Variants in PCSK2 observed in about 807,000 individuals in gnomAD.
PCSK2 encodes the protein proprotein convertase subtilisin/kexin type 2, also known as neuroendocrine convertase 2.
PCSK2 carries 14 observed loss-of-function variants against 69.7 expected under a neutral mutation model. That is an observed-to-expected ratio of 0.20 (90% CI 0.13 to 0.31). The LOEUF (loss-of-function observed/expected upper bound fraction) is 0.31, where lower values mean the gene tolerates loss of function less well. PCSK2 is among the 10% of genes least tolerant of loss of function. The pLI, the probability that PCSK2 is intolerant of heterozygous loss-of-function variation, is 1.00. For missense variants in PCSK2, 544 were observed against 842.5 expected, an observed-to-expected ratio of 0.65 and a Z score of 4.39; for synonymous variants, 307 against 320.7, an observed-to-expected ratio of 0.96 and a Z score of 0.46.
At chr20:17,280,478 C>T (rs188849158) in intron 2 of PCSK2, among the ~76,000 whole-genome samples, 41 of 152,322 alleles carry the variant, frequency 2.7e-4, no homozygotes, top group African/African-American at 9.4e-4. Context: ...GGAAGTTAGA[C>T]ACAGGCCCTT....
intron 5 of PCSK2, among the ~76,000 whole-genome samples, chr20:17,370,201 A>C (rs2030717011): frequency 1.3e-5 from 2 of 152,228 alleles, no homozygotes; most frequent in Admixed American, 1.3e-4. Flanking sequence ...TCTAGGTGTA[A>C]AAAATGTTGT....
At chr20:17,419,930 T>G (rs919716583) in intron 6 of PCSK2, among the ~76,000 whole-genome samples, 6 of 152,162 alleles carry the variant, frequency 3.9e-5, no homozygotes, top group Non-Finnish European at 8.8e-5. Flanking sequence ...AGTGAGAGAT[T>G]CTAGGTTAGA....
At chr20:17,459,083 A>G (rs943595119) in intron 10 of PCSK2, among the ~76,000 whole-genome samples, 8 of 152,010 alleles carry the variant, frequency 5.3e-5, no homozygotes, top group African/African-American at 1.9e-4. Flanking sequence ...TCCAAAACTG[A>G]CCTTCCAGGG....
chr20:17,312,248 A>C (rs1989540978), intron 2 of PCSK2, among the ~76,000 whole-genome samples: 1 of 152,150 alleles, frequency 6.6e-6, no homozygotes, highest in Non-Finnish European at 1.5e-5. Context: ...GTGTGGGAGC[A>C]ATCAGTGGGT....
At position 17,481,452 on chromosome 20, in the gene PCSK2, G is replaced by A. The variant is rs922270846; in HGVS notation, c.1431-132G>A. On this transcript the variant is annotated intron_variant, in intron 11 of 11. Transcript: ENST00000262545. ...TTACTCAGGCTCACACAGCCAGTGT[G>A]GGAACTAAACCCAGGTCTGATTGAT... 4 of 681,114 alleles carry A rather than the reference G, an allele frequency of 5.9e-6. No homozygotes were observed. In the African/African-American group the frequency reaches 7.4e-5, roughly 13 times the overall value. 42.2% of individuals were successfully genotyped at this position (681,114 alleles called of 1,614,324 possible).
chr20:17,285,727 C>T lies in PCSK2; in HGVS notation c.282+25383C>T, dbSNP rs1313031634. ...GTACAAACCCTGGATGGGTTCTGGC[C>T]TTGGCAATCATGAGCCACCATTACT... is the stretch of plus-strand genomic sequence containing the variant. On this transcript the variant is annotated intron_variant, in intron 2 of 11. Coordinates refer to ENST00000262545, the MANE Select transcript of PCSK2 (RefSeq NM_002594.5). Among the ~76,000 whole-genome samples, 6 of 152,276 alleles carry T rather than the reference C, an allele frequency of 3.9e-5. No homozygotes were observed. The South Asian group carries it at 1.0e-3, about 26-fold the overall frequency.
intron 2 of PCSK2, among the ~76,000 whole-genome samples, chr20:17,306,858 T>A (rs2123103860): frequency 6.6e-6 from 1 of 152,296 alleles, no homozygotes; most frequent in African/African-American, 2.4e-5. Context: ...CCATTAAGTC[T>A]TAGGGGAAAG....
chr20:17,277,525 C>G lies in PCSK2; in HGVS notation c.282+17181C>G, dbSNP rs1018648426. ...AAAACTGGCTAGCCATATGTAGAAA[C>G]CTGAAACTGGATCCCCTCCTTACAC... is the stretch of plus-strand genomic sequence containing the variant. On this transcript the variant is annotated intron_variant, in intron 2 of 11. Coordinates refer to ENST00000262545, the MANE Select transcript of PCSK2 (RefSeq NM_002594.5). Among the ~76,000 whole-genome samples the G allele has an allele frequency of 7.3e-3, 1,116 of 152,122 alleles. 13 individuals are homozygous for G. Among genetic ancestry groups the G allele is most frequent in the African/African-American group, 0.025 (1,018 of 41,482 alleles).
In PCSK2 at chr20:17,312,547, G is replaced by A. The variant is rs752857003; in HGVS notation, c.283-45780G>A. ...AACCCGACAACAAACTGAAACCCTG[G>A]ATATTATCAGGATAACAAAAAAATC... On this transcript the variant is annotated intron_variant, in intron 2 of 11. Coordinates refer to ENST00000262545, the MANE Select transcript of PCSK2 (RefSeq NM_002594.5). Among the ~76,000 whole-genome samples, 154 of 151,998 alleles carry A rather than the reference G, an allele frequency of 1.0e-3. 2 individuals carry two copies. Among genetic ancestry groups the A allele is most frequent in the South Asian group, 2.3e-3 (11 of 4,804 alleles).
chr20:17,409,162 A>T, intron 5 of PCSK2, 101 bp from the exon 6 acceptor site: 1 of 864,702 alleles, frequency 1.2e-6, no homozygotes, highest in Non-Finnish European at 2.0e-6. Flanking sequence ...ACACTAATCC[A>T]GCACTCCAGG....
intron 2 of PCSK2, among the ~76,000 whole-genome samples, chr20:17,333,000 C>T (rs536531476): frequency 1.3e-5 from 2 of 152,244 alleles, no homozygotes; most frequent in African/African-American, 4.8e-5. Context: ...TAAAGAACAT[C>T]ATTGGGACAA....
chr20:17,434,122 T>C (rs2032434573), intron 7 of PCSK2, among the ~76,000 whole-genome samples: 1 of 145,762 alleles, frequency 6.9e-6, no homozygotes, highest in African/African-American at 2.6e-5. Context: ...CTCCTCTCCC[T>C]TTCTCTCTAC....
At chr20:17,371,227 TC>T (rs2030751752) in intron 5 of PCSK2, among the ~76,000 whole-genome samples, 2 of 152,080 alleles carry the variant, frequency 1.3e-5, no homozygotes, top group Non-Finnish European at 2.9e-5. Context: ...TCTGCATCCT[TC>T]CCTTCTCCCT....
intron 1 of PCSK2, among the ~76,000 whole-genome samples, chr20:17,233,548 T>C (rs1246506491): frequency 6.6e-6 from 1 of 152,130 alleles, no homozygotes; most frequent in African/African-American, 2.4e-5. Context: ...ACCATGGTAA[T>C]TATCTCAGCC....
intron 2 of PCSK2, among the ~76,000 whole-genome samples, chr20:17,281,042 T>G (rs1988290230): frequency 6.6e-6 from 1 of 152,252 alleles, no homozygotes; most frequent in African/African-American, 2.4e-5. Flanking sequence ...TCCTGGAGAC[T>G]TCTTTCTTCT....
chr20:17,289,003 G>A (rs1486685693), intron 2 of PCSK2, among the ~76,000 whole-genome samples: 1 of 152,124 alleles, frequency 6.6e-6, no homozygotes, highest in African/African-American at 2.4e-5. Flanking sequence ...GATTATAGAA[G>A]GAAATAAGGA....
rs147284775 is a variant in PCSK2 at position 17,394,155 on chromosome 20, T to C, written c.544-15108T>C. On this transcript the variant is annotated intron_variant, in intron 5 of 11. Coordinates refer to ENST00000262545, the MANE Select transcript of PCSK2 (RefSeq NM_002594.5). ...TCTGTTTTCTGTACCTATAGTTTTC[T>C]CTATGATAATAACAAAATAATAATA... 4.6e-5 allele frequency among the ~76,000 whole-genome samples: 7 copies of C among 152,304 alleles called. No individual in the cohort carries two copies. The East Asian group carries it at 5.8e-4, about 13-fold the overall frequency.
At chr20:17,481,537 G>C (rs563853859) in intron 11 of PCSK2, 47 bp from the exon 12 acceptor site, 3 of 1,577,156 alleles carry the variant, frequency 1.9e-6, no homozygotes, top group South Asian at 2.4e-5. Flanking sequence ...CCCTTGTAAG[G>C]TGCACCCACC....
intron 1 of PCSK2, among the ~76,000 whole-genome samples, chr20:17,234,616 G>A (rs569701950): frequency 2.0e-5 from 3 of 152,290 alleles, no homozygotes; most frequent in Admixed American, 1.3e-4. Flanking sequence ...AAAGTCTGCA[G>A]TTACAACCTG....
Sources: gnomAD v4.1 joint callset for allele counts (sites outside exome capture counted in the v4.1 genomes callset) on GRCh38, gnomAD v4.1.1 for gene constraint, MANE v1.5 for transcripts, NCBI Gene and HGNC (gene_info 2026-07-23, HGNC 2026-07-21) for gene names.